OTUD6A: variants seen among roughly 807,000 people sequenced by gnomAD.
The protein encoded by OTUD6A is OTU deubiquitinase 6A.
For missense variants in OTUD6A, 209 were observed against 268.2 expected, an observed-to-expected ratio of 0.78 and a Z score of 1.54; for synonymous variants, 138 against 120.2, an observed-to-expected ratio of 1.15 and a Z score of -0.97.
Position 70,062,657 on chromosome X carries a change from C to T in OTUD6A, c.133C>T (p.Leu45Phe). The part of the protein sequence containing the change: ...KTDKTKRKQL[L>F]QDVARMEAEM... ...CGACAAGACGAAAAGAAAGCAGTTG[C>T]TCCAAGACGTGGCCCGCATGGAGGC... is the stretch of plus-strand genomic sequence containing the variant. The change falls in exon 1 of 1, where the codon CTC becomes TTC. Residue 45 changes from leucine to phenylalanine, a missense_variant. Leu to Phe is a conservative substitution (Grantham distance 22). Coordinates refer to ENST00000338352, the MANE Select transcript of OTUD6A (RefSeq NM_207320.3). 1.7e-6 allele frequency: 2 copies of T among 1,211,437 alleles called. No homozygotes were observed. Among genetic ancestry groups the T allele is most frequent in the Non-Finnish European group, 2.2e-6 (2 of 895,339 alleles).
Position 70,062,666 on chromosome X carries a change from G to A in OTUD6A, c.142G>A (p.Val48Met). 8.3e-7 allele frequency: 1 copy of A among 1,211,518 alleles called. No individual in the cohort carries two copies. Among genetic ancestry groups the A allele is most frequent in the Non-Finnish European group, 1.1e-6 (1 of 895,347 alleles). Residue 48 changes from valine to methionine, a missense_variant, in exon 1 of 1, where the codon GTG becomes ATG. Transcript: ENST00000338352. The stretch of plus-strand genomic sequence containing the variant: ...GAAAAGAAAGCAGTTGCTCCAAGAC[G>A]TGGCCCGCATGGAGGCCGAGATGGC... Reference protein sequence around the residue: ...KTKRKQLLQDVARMEAEMAQK... With the variant: ...KTKRKQLLQDMARMEAEMAQK...
In OTUD6A at chrX:70,063,320, G is replaced by A. The variant is rs1157115787; in HGVS notation, c.796G>A (p.Gly266Ser). 7.4e-6 allele frequency: 9 copies of A among 1,209,907 alleles called. No homozygotes were observed. Among genetic ancestry groups the A allele is most frequent in the Middle Eastern group, 2.3e-4 (1 of 4,345 alleles). The change falls in exon 1 of 1, where the codon GGC (glycine) becomes AGC (serine). Residue 266 changes from glycine to serine, a missense_variant. Transcript: ENST00000338352. ...CTACCTGCGCTATGCCTACAGCCTC[G>A]GCGAGCACTACAACTCCGTGACACC... ...LVYLRYAYSL[G>S]EHYNSVTPLE...
chrX:70,064,174 G>C lies in OTUD6A; in HGVS notation c.*783G>C, dbSNP rs1239397493. 1.0e-5 allele frequency: 1 copy of C among 95,740 alleles called. No homozygotes were observed. The highest frequency in any genetic ancestry group is 2.2e-5 in the Non-Finnish European group (1 of 45,355). The allele number at this position is 95,740 out of a possible 1,213,427, so 7.9% of individuals were successfully genotyped here. ...CCAGCATGGAAGACAGCGAGACTCC[G>C]TCTCCAAAAAAAAAAAAAGAAAAAA... is the stretch of plus-strand genomic sequence containing the variant. On this transcript the variant is annotated 3_prime_UTR_variant, in exon 1 of 1. Coordinates refer to ENST00000338352, the MANE Select transcript of OTUD6A (RefSeq NM_207320.3).
Position 70,063,927 on chromosome X carries a change from G to T in OTUD6A, c.*536G>T, listed in dbSNP as rs2020464969. On this transcript the variant is annotated 3_prime_UTR_variant, in exon 1 of 1. Coordinates refer to ENST00000338352, the MANE Select transcript of OTUD6A (RefSeq NM_207320.3). ...AGTCCCAGATACTCGGGAGGCTAAG[G>T]CAGGAGAATCGCTTGACGGGAAGCG... 8.8e-6 allele frequency: 1 copy of T among 113,559 alleles called. No homozygotes were observed. Among genetic ancestry groups the T allele is most frequent in the South Asian group, 3.6e-4 (1 of 2,800 alleles). The allele number at this position is 113,559 out of a possible 1,213,427, so 9.4% of individuals were successfully genotyped here.
Position 70,062,787 on chromosome X carries a change from C to A in OTUD6A, c.263C>A (p.Pro88His). 1 of 1,207,336 alleles carries A rather than the reference C, an allele frequency of 8.3e-7. No homozygotes were observed. ...DLAKMNLENR[P>H]PRSSKAHRKR... ...GCCAAGATGAATCTGGAAAACCGGC[C>A]TCCCCGCTCCTCCAAAGCCCACAGA... is the stretch of plus-strand genomic sequence containing the variant. The change falls in exon 1 of 1, where the codon CCT becomes CAT. Residue 88 changes from proline to histidine, a missense_variant. Pro to His is a moderately conservative substitution (Grantham distance 77). Coordinates refer to ENST00000338352, the MANE Select transcript of OTUD6A (RefSeq NM_207320.3).
In OTUD6A at chrX:70,063,443, T is replaced by A; in HGVS notation, c.*52T>A. On this transcript the variant is annotated 3_prime_UTR_variant, in exon 1 of 1. Coordinates refer to ENST00000338352, the MANE Select transcript of OTUD6A (RefSeq NM_207320.3). Reference sequence around the variant, plus strand: ...AAACTGTCGCCGTCGCCGCATCTCCTCAGTAGGCTCAGTTTATTTTCCCCT... The same window carrying A: ...AAACTGTCGCCGTCGCCGCATCTCCACAGTAGGCTCAGTTTATTTTCCCCT... The A allele has an allele frequency of 9.2e-7, 1 of 1,083,758 alleles. No individual in the cohort carries two copies. Among genetic ancestry groups the A allele is most frequent in the African/African-American group, 1.9e-5 (1 of 53,825 alleles). 89.3% of individuals were successfully genotyped at this position (1,083,758 alleles called of 1,213,427 possible). A position where few individuals can be genotyped will look rare whatever the true frequency, so the allele number is the denominator to read the frequency against.
rs759998409 is a variant in OTUD6A, at chrX:70,062,784, G to A, written c.260G>A (p.Arg87Gln). ...EDLAKMNLEN[R>Q]PPRSSKAHRK... ...CTGGCCAAGATGAATCTGGAAAACC[G>A]GCCTCCCCGCTCCTCCAAAGCCCAC... The change falls in exon 1 of 1, where the codon CGG becomes CAG. Residue 87 changes from arginine to glutamine, a missense_variant. Physicochemically the swap from Arg to Gln is conservative, Grantham distance 43 (BLOSUM62 1). Transcript: ENST00000338352. 1.7e-5 allele frequency: 20 copies of A among 1,206,212 alleles called. No homozygotes were observed. Among genetic ancestry groups the A allele is most frequent in the South Asian group, 3.6e-5 (2 of 56,103 alleles).
At position 70,062,812 on chromosome X, in the gene OTUD6A, A is replaced by G. The variant is rs1489487747; in HGVS notation, c.288A>G (p.Arg96=). The change falls in exon 1 of 1, where the codon AGA becomes AGG. Residue 96 remains arginine, a synonymous_variant. Coordinates refer to ENST00000338352, the MANE Select transcript of OTUD6A (RefSeq NM_207320.3). Reference sequence around the variant, plus strand: ...CTCCCCGCTCCTCCAAAGCCCACAGAAAGAGAGAAAGAATGGAGTCCGAGG... The same window carrying G: ...CTCCCCGCTCCTCCAAAGCCCACAGGAAGAGAGAAAGAATGGAGTCCGAGG... The part of the protein sequence containing the change: ...NRPPRSSKAH[R]KRERMESEER... 1 of 1,205,455 alleles carries G rather than the reference A, an allele frequency of 8.3e-7. No homozygotes were observed. Among genetic ancestry groups the G allele is most frequent in the East Asian group, 3.0e-5 (1 of 33,381 alleles).
Position 70,063,345 on chromosome X carries a change from C to G in OTUD6A, c.821C>G (p.Pro274Arg). 8.3e-7 allele frequency: 1 copy of G among 1,202,619 alleles called. No homozygotes were observed. Among genetic ancestry groups the G allele is most frequent in the Non-Finnish European group, 1.1e-6 (1 of 890,679 alleles). ...GGCGAGCACTACAACTCCGTGACAC[C>G]GCTCGAGGCCGGCGCCGCCGGGGGC... is the stretch of plus-strand genomic sequence containing the variant. ...SLGEHYNSVT[P>R]LEAGAAGGVL... The change falls in exon 1 of 1, where the codon CCG (proline) becomes CGG (arginine). Residue 274 changes from proline to arginine, a missense_variant. By Grantham distance (103) the Pro-to-Arg change is moderately radical (BLOSUM62 -2). Transcript: ENST00000338352.
At position 70,063,623 on chromosome X, in the gene OTUD6A, A is replaced by G; in HGVS notation, c.*232A>G. 1 of 408,728 alleles carries G rather than the reference A, an allele frequency of 2.4e-6. No individual in the cohort carries two copies. Among genetic ancestry groups the G allele is most frequent in the Non-Finnish European group, 4.2e-6 (1 of 236,996 alleles). The allele number at this position is 408,728 out of a possible 1,213,427, so 33.7% of individuals were successfully genotyped here. Reference sequence around the variant, plus strand: ...ATGAGGGAAATCTCTGCATTGCACCACCAGAGGGGCATAAATTTGAAAGTT... The same window carrying G: ...ATGAGGGAAATCTCTGCATTGCACCGCCAGAGGGGCATAAATTTGAAAGTT... On this transcript the variant is annotated 3_prime_UTR_variant, in exon 1 of 1. Coordinates refer to ENST00000338352, the MANE Select transcript of OTUD6A (RefSeq NM_207320.3).
In OTUD6A at chrX:70,063,467, C is replaced by A; in HGVS notation, c.*76C>A. On this transcript the variant is annotated 3_prime_UTR_variant, in exon 1 of 1. Coordinates refer to ENST00000338352, the MANE Select transcript of OTUD6A (RefSeq NM_207320.3). The stretch of plus-strand genomic sequence containing the variant: ...CTCAGTAGGCTCAGTTTATTTTCCC[C>A]TTTTGCTTTTCTCTGTTTTTCTTTT... The A allele has an allele frequency of 1.9e-6, 2 of 1,040,679 alleles. No individual in the cohort carries two copies. Among genetic ancestry groups the A allele is most frequent in the South Asian group, 5.3e-5 (2 of 37,850 alleles). The allele number at this position is 1,040,679 out of a possible 1,213,427, so 85.8% of individuals were successfully genotyped here. A position where few individuals can be genotyped will look rare whatever the true frequency, so the allele number is the denominator to read the frequency against.
Position 70,063,136 on chromosome X carries a change from G to A in OTUD6A, c.612G>A (p.Met204Ile), listed in dbSNP as rs776133793. 14 of 1,209,631 alleles carry A rather than the reference G, an allele frequency of 1.2e-5. No individual in the cohort carries two copies. The African/African-American group carries it at 2.5e-4, about 21-fold the overall frequency. Residue 204 changes from methionine to isoleucine, a missense_variant, in exon 1 of 1, where the codon ATG (methionine) becomes ATA (isoleucine). Transcript: ENST00000338352. ...ACTCCTTCGGCTACGACGACTTCATGATCTACTGCGACAACATCGTGCGCA... is the reference window on the plus strand; with the variant it reads ...ACTCCTTCGGCTACGACGACTTCATAATCTACTGCGACAACATCGTGCGCA... ...TSDSFGYDDF[M>I]IYCDNIVRTT... is the part of the protein sequence containing the mutation.
rs1334177342 is a variant in OTUD6A, at chrX:70,062,859, T to A, written c.335T>A (p.Ile112Asn). Reference sequence around the variant, plus strand: ...GAGGAGAGGGAGCGCCAGGAGAGCATCTTCCAGGCTGAGATGTCGGAGCAC... The same window carrying A: ...GAGGAGAGGGAGCGCCAGGAGAGCAACTTCCAGGCTGAGATGTCGGAGCAC... Reference protein sequence around the residue: ...ESEERERQESIFQAEMSEHLA... With the variant: ...ESEERERQESNFQAEMSEHLA... Residue 112 changes from isoleucine (I) to asparagine (N), a missense_variant, in exon 1 of 1, where the codon ATC becomes AAC. Physicochemically the swap from Ile to Asn is moderately radical, Grantham distance 149 (BLOSUM62 -3). Coordinates refer to ENST00000338352, the MANE Select transcript of OTUD6A (RefSeq NM_207320.3). 2.5e-6 allele frequency: 3 copies of A among 1,192,192 alleles called. No individual in the cohort carries two copies. The highest frequency in any genetic ancestry group is 3.4e-6 in the Non-Finnish European group (3 of 885,984).
rs1193372195 is a variant in OTUD6A at position 70,063,482 on chromosome X, GT to G, written c.*96del. The stretch of plus-strand genomic sequence containing the variant: ...TTATTTTCCCCTTTTGCTTTTCTCT[GT>G]TTTTCTTTTCCTTCCTTTTAATCAA... On this transcript the variant is annotated 3_prime_UTR_variant, in exon 1 of 1. Transcript: ENST00000338352. 2 of 1,010,084 alleles carry G rather than the reference GT, an allele frequency of 2.0e-6. No homozygotes were observed. Among genetic ancestry groups the G allele is most frequent in the Non-Finnish European group, 2.6e-6 (2 of 769,654 alleles). The allele number at this position is 1,010,084 out of a possible 1,213,427, so 83.2% of individuals were successfully genotyped here.
At position 70,063,502 on chromosome X, in the gene OTUD6A, T is replaced by C; in HGVS notation, c.*111T>C. 1 of 934,760 alleles carries C rather than the reference T, an allele frequency of 1.1e-6. No individual in the cohort carries two copies. The allele number at this position is 934,760 out of a possible 1,213,427, so 77.0% of individuals were successfully genotyped here. A position where few individuals can be genotyped will look rare whatever the true frequency, so the allele number is the denominator to read the frequency against. ...TCTCTGTTTTTCTTTTCCTTCCTTT[T>C]AATCAAAACTACCCGCCCCCGCCCC... On this transcript the variant is annotated 3_prime_UTR_variant, in exon 1 of 1. Transcript: ENST00000338352.
rs1401671159 is a variant in OTUD6A, at chrX:70,062,605, G to C, written c.81G>C (p.Arg27=). The C allele has an allele frequency of 1.7e-6, 2 of 1,209,752 alleles. No individual in the cohort carries two copies. Among genetic ancestry groups the C allele is most frequent in the East Asian group, 3.0e-5 (1 of 33,798 alleles). Residue 27 remains arginine (R), a synonymous_variant, in exon 1 of 1, where the codon CGG becomes CGC. Transcript: ENST00000338352. ...RERQELQAQI[R]SLKNSVPKTD... is the part of the protein sequence containing the mutation. ...GGCAGGAGCTGCAGGCCCAGATCCG[G>C]AGCTTAAAAAACTCGGTCCCCAAGA...
Position 70,063,363 on chromosome X carries a change from C to A in OTUD6A, c.839C>A (p.Ala280Asp). The change falls in exon 1 of 1, where the codon GCC becomes GAC. Residue 280 changes from alanine to aspartate, a missense_variant. Ala to Asp is a moderately radical substitution (Grantham distance 126). Coordinates refer to ENST00000338352, the MANE Select transcript of OTUD6A (RefSeq NM_207320.3). ...GTGACACCGCTCGAGGCCGGCGCCG[C>A]CGGGGGCGTGCTCCCGCGTCTCCTG... ...NSVTPLEAGA[A>D]GGVLPRLL 8.4e-7 allele frequency: 1 copy of A among 1,197,098 alleles called. No individual in the cohort carries two copies.
rs1452599125 is a variant in OTUD6A at position 70,062,461 on chromosome X, A to G, written c.-64A>G. 2 of 1,115,728 alleles carry G rather than the reference A, an allele frequency of 1.8e-6. No individual in the cohort carries two copies. Among genetic ancestry groups the G allele is most frequent in the Non-Finnish European group, 2.4e-6 (2 of 836,222 alleles). The allele number at this position is 1,115,728 out of a possible 1,213,427, so 91.9% of individuals were successfully genotyped here. A position where few individuals can be genotyped will look rare whatever the true frequency, so the allele number is the denominator to read the frequency against. On this transcript the variant is annotated 5_prime_UTR_variant, in exon 1 of 1. Transcript: ENST00000338352. Reference sequence around the variant, plus strand: ...GAGCGACCGTTAGGACAGGCTGAGGACTTCTGGTCTGTTCGGTACTTGAAC... The same window carrying G: ...GAGCGACCGTTAGGACAGGCTGAGGGCTTCTGGTCTGTTCGGTACTTGAAC...
rs771067328 is a variant in OTUD6A, at chrX:70,062,757, A to T, written c.233A>T (p.Asp78Val). 5 of 1,209,824 alleles carry T rather than the reference A, an allele frequency of 4.1e-6. No individual in the cohort carries two copies. In the South Asian group the frequency reaches 8.8e-5, roughly 21 times the overall value. Residue 78 changes from aspartate to valine, a missense_variant, in exon 1 of 1, where the codon GAC (aspartate) becomes GTC (valine). Coordinates refer to ENST00000338352, the MANE Select transcript of OTUD6A (RefSeq NM_207320.3). The part of the protein sequence containing the change: ...DDSSIESVVE[D>V]LAKMNLENRP... ...AGTAGCATTGAATCTGTCGTCGAAG[A>T]CCTGGCCAAGATGAATCTGGAAAAC...
Sources: allele counts gnomAD v4.1 joint callset, GRCh38; gene constraint gnomAD v4.1.1; transcripts MANE v1.5; gene names NCBI Gene and HGNC (gene_info 2026-07-23, HGNC 2026-07-21).